Variants in TENM4 observed in about 807,000 individuals in gnomAD.
The protein encoded by TENM4 is teneurin-4.
In TENM4, 82 loss-of-function variants were observed where a neutral mutation model predicts 243.3. That is an observed-to-expected ratio of 0.34 (90% confidence interval 0.28 to 0.40). The LOEUF (loss-of-function observed/expected upper bound fraction) is 0.40, where lower values mean the gene tolerates loss of function less well. TENM4 is among the 10% of genes least tolerant of loss of function. TENM4 has a pLI of 1.00. For synonymous variants in TENM4, 1,412 were observed against 1,456.3 expected (o/e 0.97, Z 0.69); for missense variants, 3,138 against 3,673.3 (o/e 0.85, Z 3.77).
chr11:79,406,539 C>G (rs1405079714), intron 1 of TENM4, among the ~76,000 whole-genome samples: 1 of 152,158 alleles, frequency 6.6e-6, no homozygotes, highest in South Asian at 2.1e-4. Context: ...GGAAGTGAAA[C>G]AAGACTTTCT....
rs1555016057 is a variant in TENM4, at chr11:79,139,771, A to AT, written c.-66+8938dup. Among the ~76,000 whole-genome samples the AT allele has an allele frequency of 1.9e-4, 5 of 25,644 alleles. 1 individual carries two copies. The highest frequency in any genetic ancestry group is 5.8e-4 in the East Asian group (1 of 1,710). The allele number at this position is 25,644 out of a possible 152,430, so 16.8% of individuals were successfully genotyped here. A position where few individuals can be genotyped will look rare whatever the true frequency, so the allele number is the denominator to read the frequency against. ...TATAATATATATTATATTTATATAA[A>AT]TATATAATATATATTATATTTATAT... On this transcript the variant is annotated intron_variant, in intron 4 of 33. Coordinates refer to ENST00000278550, the MANE Select transcript of TENM4 (RefSeq NM_001098816.3).
Position 78,660,159 on chromosome 11 carries a change from A to G in TENM4, c.7551+1290T>C, listed in dbSNP as rs139516598. On this transcript the variant is annotated intron_variant, in intron 33 of 33. Transcript: ENST00000278550. ...CCCTGGGAAGAGCAAATGCCAGGAT[A>G]TCTGGGCGGGGCCTGGAGGTGGTGG... is the stretch of plus-strand genomic sequence containing the variant. Among the ~76,000 whole-genome samples the G allele has an allele frequency of 7.0e-3, 1,064 of 152,280 alleles. 11 individuals carry two copies. Among genetic ancestry groups the G allele is most frequent in the African/African-American group, 0.025 (1,024 of 41,560 alleles).
intron 1 of TENM4, among the ~76,000 whole-genome samples, chr11:79,402,965 T>C (rs1212058421): frequency 6.6e-6 from 1 of 152,214 alleles, no homozygotes; most frequent in Non-Finnish European, 1.5e-5. Context: ...CATTCACTGC[T>C]CCAAATGAAT....
chr11:79,163,406 T>A (rs951155969), intron 3 of TENM4, among the ~76,000 whole-genome samples: 6 of 151,848 alleles, frequency 4.0e-5, no homozygotes, highest in African/African-American at 1.5e-4. Flanking sequence ...CTGCCGAACT[T>A]TTTTTTTAAT....
At position 78,669,255 on chromosome 11, in the gene TENM4, C is replaced by T. The variant is rs759828629; in HGVS notation, c.7090G>A (p.Gly2364Arg). ...CCACTAAAGACAGCAAGAGGGGTCC[C>T]GATGTTGTCACAAGCTATGTAAAAC... ...DEFYIACDNI[G>R]TPLAVFSGTG... The change falls in exon 32 of 34, where the codon GGG (glycine) becomes AGG (arginine). Residue 2364 changes from glycine (G) to arginine (R), a missense_variant. Physicochemically the swap from Gly to Arg is moderately radical, Grantham distance 125. This residue lies in a region of TENM4 where 2,467 missense variants were observed against 3,059.1 expected (regional missense o/e 0.81). Transcript: ENST00000278550. The surrounding 1 kb of genome is among the most constrained non-coding windows in gnomAD (Gnocchi z 6.4). The T allele has an allele frequency of 2.5e-6, 4 of 1,613,886 alleles. No individual in the cohort carries two copies. The highest frequency in any genetic ancestry group is 1.7e-5 in the Admixed American group (1 of 60,018).
intron 6 of TENM4, among the ~76,000 whole-genome samples, chr11:78,967,866 G>A (rs21971): frequency 0.34 from 51,294 of 152,128 alleles, 9,090 homozygotes; most frequent in Middle Eastern, 0.44. Flanking sequence ...CAGTCTCAAT[G>A]AGCCCAGCTC....
chr11:79,373,619 C>T lies in TENM4; in HGVS notation c.-321+66890G>A, dbSNP rs561975564. 5.3e-5 allele frequency among the ~76,000 whole-genome samples: 8 copies of T among 151,940 alleles called. No individual in the cohort carries two copies. In the South Asian group the frequency reaches 8.3e-4, roughly 16 times the overall value. On this transcript the variant is annotated intron_variant, in intron 1 of 33. Transcript: ENST00000278550. ...GCAGTGAAGGAAAGAAGAAGGAGGT[C>T]GAAAGATCATATGAAATTATCAAAT...
intron 2 of TENM4, among the ~76,000 whole-genome samples, chr11:79,245,320 C>T (rs888127124): frequency 1.3e-5 from 2 of 152,238 alleles, no homozygotes; most frequent in Admixed American, 1.3e-4. Flanking sequence ...GCCCAGATTA[C>T]AGTAACAAAA....
chr11:78,961,515 G>C (rs1857320263), intron 6 of TENM4, among the ~76,000 whole-genome samples: 1 of 152,222 alleles, frequency 6.6e-6, no homozygotes, highest in African/African-American at 2.4e-5. Context: ...AGAGCTTGCA[G>C]ATCCATGCTT....
At chr11:79,257,408 A>C (rs4540852) in intron 2 of TENM4, among the ~76,000 whole-genome samples, 49,207 of 152,038 alleles carry the variant, frequency 0.32, 8,919 homozygotes, top group East Asian at 0.58. Flanking sequence ...GTAAAGACTG[A>C]ATCTAGTGCC....
chr11:79,020,451 ATCAT>A (rs1297756461), intron 6 of TENM4, among the ~76,000 whole-genome samples: 2 of 152,164 alleles, frequency 1.3e-5, no homozygotes, highest in Admixed American at 1.3e-4. Flanking sequence ...CTTTGACTTG[ATCAT>A]TCAAATTTAT....
At chr11:79,141,870 T>C (rs1489233687) in intron 4 of TENM4, among the ~76,000 whole-genome samples, 1 of 152,134 alleles carries the variant, frequency 6.6e-6, no homozygotes, top group Non-Finnish European at 1.5e-5. Flanking sequence ...TGATATATCA[T>C]ATTAATAGAA....
intron 4 of TENM4, among the ~76,000 whole-genome samples, chr11:79,138,363 T>C (rs1367374871): frequency 8.1e-6 from 1 of 123,076 alleles, no homozygotes. Flanking sequence ...ATATAATATA[T>C]AATATAAATA....
intron 2 of TENM4, among the ~76,000 whole-genome samples, chr11:79,251,281 C>G (rs990601625): frequency 9.2e-5 from 14 of 152,196 alleles, no homozygotes; most frequent in Admixed American, 2.0e-4. Flanking sequence ...GTTTGCCCAT[C>G]CAGCTGCATA....
intron 2 of TENM4, among the ~76,000 whole-genome samples, chr11:79,226,852 G>A (rs1251315849): frequency 6.6e-6 from 1 of 152,170 alleles, no homozygotes; most frequent in East Asian, 1.9e-4. Flanking sequence ...AAAAGAGCAA[G>A]AGTTTTCTAG....
At chr11:79,163,841 TATATATAC>T (rs1399128776) in intron 3 of TENM4, among the ~76,000 whole-genome samples, 1 of 145,932 alleles carries the variant, frequency 6.9e-6, no homozygotes, top group African/African-American at 2.5e-5. Context: ...ACATATATAT[TATATATAC>T]ATATATACAC....
chr11:78,949,526 A>C (rs574087992), intron 6 of TENM4, among the ~76,000 whole-genome samples: 41 of 152,372 alleles, frequency 2.7e-4, no homozygotes, highest in African/African-American at 9.4e-4. Context: ...TAATATTAGA[A>C]GTTATCTTTA....
intron 2 of TENM4, among the ~76,000 whole-genome samples, chr11:79,266,342 G>T (rs1021024758): frequency 1.1e-4 from 16 of 151,922 alleles, no homozygotes; most frequent in African/African-American, 3.6e-4. Flanking sequence ...AGGGAATACT[G>T]CAATGAGCAA....
intron 12 of TENM4, among the ~76,000 whole-genome samples, chr11:78,830,164 G>A (rs1018821454): frequency 1.3e-5 from 2 of 152,222 alleles, no homozygotes; most frequent in Non-Finnish European, 2.9e-5. Flanking sequence ...TGTGAAAGAT[G>A]AGTTTTAAAG....
Sources: allele counts gnomAD v4.1 joint callset (sites outside exome capture counted in the v4.1 genomes callset), GRCh38; gene constraint gnomAD v4.1.1; regional missense constraint gnomAD v4.1.1; non-coding constraint Gnocchi (gnomAD v3.1); transcripts MANE v1.5; gene names NCBI Gene and HGNC (gene_info 2026-07-23, HGNC 2026-07-21).